THEMIS: variants seen among roughly 807,000 people sequenced by gnomAD.
THEMIS encodes protein THEMIS.
THEMIS carries 37 observed loss-of-function variants against 52.6 expected under a neutral mutation model. The ratio of observed to expected loss-of-function variants is 0.70; its 90% CI spans 0.54 to 0.93. The LOEUF (loss-of-function observed/expected upper bound fraction) is 0.93. THEMIS is among the 40% of genes least tolerant of loss of function. The probability of loss-of-function intolerance (pLI) is 0.00; values close to 1 mark genes in which losing one functional copy is unlikely to be tolerated. For missense variants in THEMIS, 808 were observed against 763.1 expected, an observed-to-expected ratio of 1.06 and a Z score of -0.69; for synonymous variants, 292 against 272.7, an observed-to-expected ratio of 1.07 and a Z score of -0.70.
chr6:127,742,323 AAAAAAC>A lies in THEMIS; in HGVS notation c.1759-22506_1759-22501del, dbSNP rs1342952823. Among the ~76,000 whole-genome samples, 885 of 150,434 alleles carry A rather than the reference AAAAAAC, an allele frequency of 5.9e-3. 13 individuals are homozygous for A. Among genetic ancestry groups the A allele is most frequent in the African/African-American group, 0.021 (852 of 41,134 alleles). On this transcript the variant is annotated intron_variant, in intron 4 of 5. Transcript: ENST00000368248. ...GAGTGAGACTCTGCTTAAAAAAAAA[AAAAAAC>A]AAACAAAAAAACAAACAAAAAAACA...
chr6:127,800,943 T>C (rs1777511734), intron 4 of THEMIS, among the ~76,000 whole-genome samples: 1 of 152,156 alleles, frequency 6.6e-6, no homozygotes, highest in Non-Finnish European at 1.5e-5. Flanking sequence ...CAGGAGTGGT[T>C]CTAGAGGAAG....
intron 4 of THEMIS, among the ~76,000 whole-genome samples, chr6:127,791,843 C>T (rs1210807543): frequency 1.3e-5 from 2 of 152,176 alleles, no homozygotes; most frequent in Non-Finnish European, 2.9e-5. Context: ...ACACACCCAG[C>T]CGAGTCGTGA....
intron 3 of THEMIS, among the ~76,000 whole-genome samples, chr6:127,822,736 T>C (rs1778383053): frequency 6.6e-6 from 1 of 152,142 alleles, no homozygotes. Context: ...TTTGTTCATG[T>C]AGCTGTCATC....
chr6:127,780,444 C>T (rs1006616468), intron 4 of THEMIS, among the ~76,000 whole-genome samples: 7 of 152,116 alleles, frequency 4.6e-5, no homozygotes, highest in African/African-American at 1.4e-4. Flanking sequence ...AATTATGATG[C>T]CAGCTAGTTA....
chr6:127,780,775 T>G (rs1462577623), intron 4 of THEMIS, among the ~76,000 whole-genome samples: 14 of 152,246 alleles, frequency 9.2e-5, no homozygotes, highest in Non-Finnish European at 1.6e-4. Context: ...ACTGTTAGTC[T>G]GATAGGCTTC....
intron 2 of THEMIS, among the ~76,000 whole-genome samples, chr6:127,844,729 A>G (rs1779158760): frequency 6.6e-6 from 1 of 152,000 alleles, no homozygotes; most frequent in African/African-American, 2.4e-5. Flanking sequence ...TAATCCAGAA[A>G]TTTGGAACTT....
chr6:127,812,452 A>G (rs1481677170), intron 4 of THEMIS, among the ~76,000 whole-genome samples: 2 of 152,182 alleles, frequency 1.3e-5, no homozygotes, highest in East Asian at 1.9e-4. Context: ...CTATAGATGC[A>G]TGCTACCAGT....
chr6:127,855,613 C>T (rs1460285660), intron 1 of THEMIS, among the ~76,000 whole-genome samples: 1 of 151,862 alleles, frequency 6.6e-6, no homozygotes, highest in Admixed American at 6.6e-5. Flanking sequence ...AGGGTCTGCA[C>T]ACCAGGGCTT....
At chr6:127,725,827 T>A (rs1774525663) in intron 4 of THEMIS, among the ~76,000 whole-genome samples, 1 of 152,108 alleles carries the variant, frequency 6.6e-6, no homozygotes, top group Non-Finnish European at 1.5e-5. Flanking sequence ...CCCTTTCCTG[T>A]ACCTTGCAGC....
chr6:127,697,371 G>A, the THEMIS span, among the ~76,000 whole-genome samples: 1 of 152,092 alleles, frequency 6.6e-6, no homozygotes, highest in Admixed American at 6.6e-5. Flanking sequence ...CATCTCTGAA[G>A]GATTGTTGCA....
downstream of THEMIS, among the ~76,000 whole-genome samples, chr6:127,707,671 A>C (rs1562203267): frequency 6.6e-6 from 1 of 152,108 alleles, no homozygotes; most frequent in African/African-American, 2.4e-5. Context: ...CGGGGTTATA[A>C]TTAGATCCTA....
intron 4 of THEMIS, among the ~76,000 whole-genome samples, chr6:127,770,142 A>G (rs1189239983): frequency 6.6e-6 from 1 of 152,194 alleles, no homozygotes; most frequent in Non-Finnish European, 1.5e-5. Context: ...ATACCCAGTA[A>G]TGGGATCACT....
Position 127,829,754 on chromosome 6 carries a change from A to G in THEMIS, c.431T>C (p.Ile144Thr), listed in dbSNP as rs377338346. 61 of 1,613,896 alleles carry G rather than the reference A, an allele frequency of 3.8e-5. 1 individual carries two copies. The African/African-American group carries it at 7.1e-4, about 19-fold the overall frequency. ...ACAGCTCACCATTATTTCTCCATCAATCTCTTCAACTGAGTTGAGCATGAT... is the reference window on the plus strand; with the variant it reads ...ACAGCTCACCATTATTTCTCCATCAGTCTCTTCAACTGAGTTGAGCATGAT... ...EQIMLNSVEE[I>T]DGEIMVSCAV... The change falls in exon 3 of 6, where the codon ATT becomes ACT. Residue 144 changes from isoleucine to threonine, a missense_variant. Ile to Thr is a moderately conservative substitution (Grantham distance 89). Transcript: ENST00000368248.
chr6:127,869,624 G>C (rs181612181), intron 1 of THEMIS, among the ~76,000 whole-genome samples: 9 of 152,312 alleles, frequency 5.9e-5, no homozygotes, highest in African/African-American at 1.9e-4. Context: ...AAAGGCTTCA[G>C]CTAGGACTTT....
At chr6:127,840,784 T>G (rs1318095407) in intron 2 of THEMIS, among the ~76,000 whole-genome samples, 1 of 152,032 alleles carries the variant, frequency 6.6e-6, no homozygotes, top group Non-Finnish European at 1.5e-5. Flanking sequence ...AAATGACTTA[T>G]TACATCATGA....
intron 4 of THEMIS, among the ~76,000 whole-genome samples, chr6:127,806,117 C>T (rs1255146100): frequency 1.3e-5 from 2 of 152,022 alleles, no homozygotes; most frequent in African/African-American, 4.8e-5. Flanking sequence ...TTAATACATA[C>T]TGTGCAATGA....
intron 2 of THEMIS, among the ~76,000 whole-genome samples, chr6:127,852,690 T>G (rs1779471274): frequency 6.6e-6 from 1 of 151,594 alleles, no homozygotes; most frequent in African/African-American, 2.4e-5. Flanking sequence ...GAGATGCTGC[T>G]ATTAAAATTT....
At chr6:127,908,301 C>T (rs531815921) in intron 1 of THEMIS, among the ~76,000 whole-genome samples, 2 of 152,176 alleles carry the variant, frequency 1.3e-5, no homozygotes, top group African/African-American at 4.8e-5. Context: ...ACCATGCCCA[C>T]AAGTTAAGAA....
chr6:127,854,577 A>G (rs10484716), intron 2 of THEMIS, among the ~76,000 whole-genome samples: 30,556 of 151,696 alleles, frequency 0.2, 3,356 homozygotes, highest in South Asian at 0.4. Flanking sequence ...AATTAGATAA[A>G]AAAGACCAGG....
Sources: gnomAD v4.1 joint callset for allele counts (sites outside exome capture counted in the v4.1 genomes callset) on GRCh38, gnomAD v4.1.1 for gene constraint, MANE v1.5 for transcripts, NCBI Gene and HGNC (gene_info 2026-07-23, HGNC 2026-07-21) for gene names.